The following CTNNA2 variants were observed in gnomAD, a reference collection of about 807,000 sequenced individuals.
CTNNA2 encodes the protein catenin alpha 2, also known as catenin alpha-2.
A neutral mutation model predicts 101.0 loss-of-function variants in CTNNA2; 42 were observed. The observed-to-expected ratio is 0.42, with a 90% confidence interval of 0.32 to 0.54. The LOEUF is 0.54. CTNNA2 is among the 20% of genes least tolerant of loss of function. The pLI is 0.14. For synonymous variants in CTNNA2, 450 were observed against 456.4 expected (o/e 0.99, Z 0.18); for missense variants, 871 against 1,223.1 (o/e 0.71, Z 4.29).
chr2:80,304,740 C>T (rs1019063889), intron 7 of CTNNA2: 1 of 152,732 alleles, frequency 6.5e-6, no homozygotes, highest in African/African-American at 2.4e-5. Context: ...GCACCTACTG[C>T]TCACTGAGTG....
chr2:80,513,523 G>A (rs1688875633), intron 9 of CTNNA2, among the ~76,000 whole-genome samples: 2 of 152,142 alleles, frequency 1.3e-5, no homozygotes, highest in African/African-American at 4.8e-5. Flanking sequence ...CCACTATATA[G>A]CTTTGTATTT....
chr2:79,384,597 T>C (rs891670478), intron 4 of CTNNA2, among the ~76,000 whole-genome samples: 1 of 152,156 alleles, frequency 6.6e-6, no homozygotes, highest in African/African-American at 2.4e-5. Context: ...GTACTTAGGA[T>C]GTTAGGTACT....
intron 3 of CTNNA2, among the ~76,000 whole-genome samples, chr2:79,824,466 C>T (rs991361631): frequency 1.6e-4 from 24 of 147,948 alleles, no homozygotes; most frequent in Non-Finnish European, 3.3e-4. Flanking sequence ...ACAGTTAGAA[C>T]CACGTCTTGT....
At chr2:80,520,939 T>A (rs1689491370) in intron 9 of CTNNA2, among the ~76,000 whole-genome samples, 1 of 152,286 alleles carries the variant, frequency 6.6e-6, no homozygotes, top group South Asian at 2.1e-4. Context: ...TCAAGAGGGC[T>A]GTTTGGAGAG....
intron 7 of CTNNA2, among the ~76,000 whole-genome samples, chr2:80,087,804 G>A (rs1468684618): frequency 6.6e-6 from 1 of 151,930 alleles, no homozygotes; most frequent in Non-Finnish European, 1.5e-5. Flanking sequence ...GAGTAGCAAG[G>A]GAGCTGTCAT....
intron 7 of CTNNA2, among the ~76,000 whole-genome samples, chr2:79,977,335 G>T (rs984627189): frequency 6.6e-6 from 1 of 151,956 alleles, no homozygotes; most frequent in African/African-American, 2.4e-5. Context: ...CAAGGGACAT[G>T]TGGTAAACGT....
intron 3 of CTNNA2, among the ~76,000 whole-genome samples, chr2:79,816,580 A>G (rs189631945): frequency 1.3e-5 from 2 of 152,286 alleles, no homozygotes; most frequent in East Asian, 3.9e-4. Flanking sequence ...AAGCCAAAAG[A>G]AAAGAGAGTT....
intron 4 of CTNNA2, among the ~76,000 whole-genome samples, chr2:79,386,065 T>A (rs1341598534): frequency 1.3e-5 from 2 of 152,162 alleles, no homozygotes; most frequent in African/African-American, 4.8e-5. Flanking sequence ...GATTGCTGGG[T>A]CAAATGGTGT....
chr2:80,585,056 C>G (rs1442675518), intron 14 of CTNNA2, among the ~76,000 whole-genome samples: 1 of 150,360 alleles, frequency 6.7e-6, no homozygotes, highest in Admixed American at 6.6e-5. Context: ...GAGTTTTAGT[C>G]CCTTTAATTG....
chr2:80,254,960 C>T (rs957228226), intron 7 of CTNNA2, among the ~76,000 whole-genome samples: 1 of 152,000 alleles, frequency 6.6e-6, no homozygotes, highest in Non-Finnish European at 1.5e-5. Flanking sequence ...CATATTCCTC[C>T]TCTTACTCTG....
At chr2:80,098,924 A>G (rs2148836361) in intron 7 of CTNNA2, among the ~76,000 whole-genome samples, 1 of 152,158 alleles carries the variant, frequency 6.6e-6, no homozygotes, top group East Asian at 2.0e-4. Flanking sequence ...TTTGACTAGG[A>G]AAGGGAATTC....
chr2:79,909,999 A>G (rs1685676569), intron 7 of CTNNA2, among the ~76,000 whole-genome samples: 1 of 152,124 alleles, frequency 6.6e-6, no homozygotes, highest in African/African-American at 2.4e-5. Context: ...TTGTTTTAAT[A>G]TGGAACAGGT....
intron 4 of CTNNA2, among the ~76,000 whole-genome samples, chr2:79,470,401 G>A (rs959552949): frequency 2.6e-5 from 4 of 152,150 alleles, no homozygotes. Context: ...TAGCCCAGAG[G>A]TAATATGAAA....
intron 2 of CTNNA2, among the ~76,000 whole-genome samples, chr2:79,214,254 T>C (rs1265233510): frequency 6.6e-6 from 1 of 152,040 alleles, no homozygotes; most frequent in Non-Finnish European, 1.5e-5. Context: ...GCCTGATGGG[T>C]GTCAGGGTCA....
intron 7 of CTNNA2, among the ~76,000 whole-genome samples, chr2:80,092,055 A>C (rs1179896405): frequency 6.6e-6 from 1 of 152,114 alleles, no homozygotes; most frequent in Non-Finnish European, 1.5e-5. Flanking sequence ...CAATCACGAC[A>C]AATGATCATT....
At chr2:79,865,330 A>G (rs1681983743) in intron 4 of CTNNA2, among the ~76,000 whole-genome samples, 1 of 152,222 alleles carries the variant, frequency 6.6e-6, no homozygotes. Flanking sequence ...CGGGTCTTAC[A>G]TGCATTCATT....
At chr2:80,195,589 C>T (rs559515998) in intron 7 of CTNNA2, among the ~76,000 whole-genome samples, 1 of 151,552 alleles carries the variant, frequency 6.6e-6, no homozygotes, top group African/African-American at 2.4e-5. Flanking sequence ...TCCATCCAAG[C>T]CCATGGTGGA....
At chr2:79,796,510 A>G (rs1448331175) in intron 3 of CTNNA2, among the ~76,000 whole-genome samples, 1 of 152,168 alleles carries the variant, frequency 6.6e-6, no homozygotes, top group Non-Finnish European at 1.5e-5. Context: ...GGAACCCAGC[A>G]TATACACTTC....
chr2:79,520,580 C>T (rs547688539), intron 1 of CTNNA2, among the ~76,000 whole-genome samples: 1 of 152,312 alleles, frequency 6.6e-6, no homozygotes, highest in Non-Finnish European at 1.5e-5. Context: ...ACATGTCTCT[C>T]TCTGTATGTT....
Sources: gnomAD v4.1 joint callset for allele counts (sites outside exome capture counted in the v4.1 genomes callset) on GRCh38, gnomAD v4.1.1 for gene constraint, MANE v1.5 for transcripts, NCBI Gene and HGNC (gene_info 2026-07-23, HGNC 2026-07-21) for gene names.